The following EML3 variants were observed in gnomAD, a reference collection of about 807,000 sequenced individuals.
EML3 encodes echinoderm microtubule-associated protein-like 3.
Under a neutral mutation model 106.7 loss-of-function variants are expected in EML3, and 53 were observed. That is an observed-to-expected ratio of 0.50 (90% CI 0.40 to 0.62). The LOEUF (loss-of-function observed/expected upper bound fraction) is 0.62. Ranked by LOEUF, EML3 falls within the 20% of genes least tolerant of loss-of-function variation. The pLI, the probability that EML3 is intolerant of heterozygous loss-of-function variation, is 0.00. For missense variants in EML3, 994 were observed against 1,209.1 expected, an observed-to-expected ratio of 0.82 and a Z score of 2.64; for synonymous variants, 499 against 489.6, an observed-to-expected ratio of 1.02 and a Z score of -0.25.
rs554303645 is a variant in EML3 at position 62,602,463 on chromosome 11, G to A, written c.*12C>T. ...CCACGCCGCCGGGCCAGTCGGTCCCGCCAGGCAGCGATCAAACGTCGAGGG... is the reference window on the plus strand; with the variant it reads ...CCACGCCGCCGGGCCAGTCGGTCCCACCAGGCAGCGATCAAACGTCGAGGG... On this transcript the variant is annotated 3_prime_UTR_variant, in exon 22 of 22. Coordinates refer to ENST00000394773, the MANE Select transcript of EML3 (RefSeq NM_153265.3). The A allele has an allele frequency of 1.3e-6, 2 of 1,542,428 alleles. No homozygotes were observed. The highest frequency in any genetic ancestry group is 1.8e-6 in the Non-Finnish European group (2 of 1,142,072).
chr11:62,611,852 G>A (rs1942847600), intron 1 of EML3: 2 of 544,358 alleles, frequency 3.7e-6, no homozygotes, highest in Non-Finnish European at 6.4e-6. Flanking sequence ...GGAGTACCAT[G>A]GAGTACCGGG....
Position 62,611,898 on chromosome 11 carries a change from C to A in EML3, c.23-302G>T, listed in dbSNP as rs1590764897. On this transcript the variant is annotated intron_variant, in intron 1 of 21. Transcript: ENST00000394773. ...GGAGTACTGCCGAGGAACGTGGGAG[C>A]CACAGAGAGAGGCGCCGCACTGGTG... is the stretch of plus-strand genomic sequence containing the variant. The A allele has an allele frequency of 6.6e-6, 3 of 451,698 alleles. No homozygotes were observed. In the East Asian group the frequency reaches 1.2e-4, roughly 19 times the overall value. The allele number at this position is 451,698 out of a possible 1,614,324, so 28.0% of individuals were successfully genotyped here.
intron 16 of EML3, 99 bp from the exon 17 acceptor site, chr11:62,604,300 T>C (rs1338300209): frequency 1.1e-6 from 1 of 893,906 alleles, no homozygotes; most frequent in Non-Finnish European, 1.8e-6. Flanking sequence ...GGATGGCAAA[T>C]AAGAGAAGCT....
Position 62,611,098 on chromosome 11 carries a change from C to T in EML3, c.441G>A (p.Gln147=). ...CACAGGACACCTACGTGTCAGCACG[C>T]TGTGGGGGCTGCAAGGGCCTGAGGA... ...PGILRPLQPP[Q]RADTPRRNSS... is the part of the protein sequence containing the mutation. The change falls in exon 3 of 22, where the codon CAG becomes CAA. Residue 147 remains glutamine, a synonymous_variant. Transcript: ENST00000394773. 3 of 1,597,438 alleles carry T rather than the reference C, an allele frequency of 1.9e-6. No individual in the cohort carries two copies. The highest frequency in any genetic ancestry group is 2.5e-6 in the Non-Finnish European group (3 of 1,177,282).
At chr11:62,609,584 C>G in intron 5 of EML3, 45 bp downstream of exon 5, 1 of 1,585,138 alleles carries the variant, frequency 6.3e-7, no homozygotes, top group Non-Finnish European at 8.6e-7. Flanking sequence ...AGCCCAAATC[C>G]TAACCCTGCC....
At chr11:62,606,671 A>G (rs1315883954) in intron 12 of EML3, among the ~76,000 whole-genome samples, 1 of 152,212 alleles carries the variant, frequency 6.6e-6, no homozygotes, top group Non-Finnish European at 1.5e-5. Flanking sequence ...AGCCTGGCCA[A>G]CATGGCAAAA....
At position 62,603,104 on chromosome 11, in the gene EML3, A is replaced by C. The variant is rs751825449; in HGVS notation, c.2356+45T>G. The C allele has an allele frequency of 2.4e-5, 38 of 1,608,130 alleles. No individual in the cohort carries two copies. In the Admixed American group the frequency reaches 6.2e-4, roughly 26 times the overall value. On this transcript the variant is annotated intron_variant, in intron 20 of 21. Transcript: ENST00000394773. Reference sequence around the variant, plus strand: ...GCGTTCCAAGCCCAAACTGGGCTCCACCTTGTCCCCCACCCTTCCAGCAGG... The same window carrying C: ...GCGTTCCAAGCCCAAACTGGGCTCCCCCTTGTCCCCCACCCTTCCAGCAGG...
intron 7 of EML3, 62 bp downstream of exon 7, chr11:62,608,900 T>C: frequency 6.3e-7 from 1 of 1,596,336 alleles, no homozygotes; most frequent in Non-Finnish European, 8.6e-7. Flanking sequence ...AACTCTTTTC[T>C]CCTGCTTCTC....
chr11:62,602,507 A>C lies in EML3; in HGVS notation c.2659T>G (p.Ser887Ala). The C allele has an allele frequency of 2.0e-6, 3 of 1,516,154 alleles. No homozygotes were observed. The highest frequency in any genetic ancestry group is 2.7e-6 in the Non-Finnish European group (3 of 1,130,512). The allele number at this position is 1,516,154 out of a possible 1,614,324, so 93.9% of individuals were successfully genotyped here. ...TCGAGGGAGGAGGCGGGGGACAGGG[A>C]GGGGGTTCGAGAGGGCGTGGCGGGC... ...PAPATPSRTP[S>A]LSPASSLDV is the part of the protein sequence containing the mutation. Residue 887 changes from serine to alanine, a missense_variant, in exon 22 of 22, where the codon TCC becomes GCC. By Grantham distance (99) the Ser-to-Ala change is moderately conservative (BLOSUM62 1). Around this residue, in one of 3 missense-constraint regions of EML3, gnomAD observed 713 missense variants for 920.5 expected, o/e 0.77. Coordinates refer to ENST00000394773, the MANE Select transcript of EML3 (RefSeq NM_153265.3).
In EML3 at chr11:62,606,050, G is replaced by A. The variant is rs1942499343; in HGVS notation, c.1656+13C>T. The A allele has an allele frequency of 6.2e-7, 1 of 1,613,744 alleles. No individual in the cohort carries two copies. The highest frequency in any genetic ancestry group is 8.5e-7 in the Non-Finnish European group (1 of 1,179,916). On this transcript the variant is annotated intron_variant, in intron 13 of 21. Transcript: ENST00000394773. Reference sequence around the variant, plus strand: ...CTTCTCCCTCACTCCCTTGACCCCAGCCCAGCCCTCACCTCAGCCTCCTGG... The same window carrying A: ...CTTCTCCCTCACTCCCTTGACCCCAACCCAGCCCTCACCTCAGCCTCCTGG...
Position 62,605,747 on chromosome 11 carries a change from G to A in EML3, c.1809C>T (p.Leu603=), listed in dbSNP as rs547704472. Residue 603 remains leucine (L), a synonymous_variant, in exon 15 of 22, where the codon CTC becomes CTT. Coordinates refer to ENST00000394773, the MANE Select transcript of EML3 (RefSeq NM_153265.3). This position sits in a 1 kb window ranked among gnomAD's most constrained non-coding sequence, Gnocchi z 5.2. The part of the protein sequence containing the change: ...IQGHTDELWG[L]CTHPSQNRFL... ...AGCGGTTCTGGGAGGGGTGTGTGCAGAGCCCCCAGAGCTCATCAGTGTGGC... is the reference window on the plus strand; with the variant it reads ...AGCGGTTCTGGGAGGGGTGTGTGCAAAGCCCCCAGAGCTCATCAGTGTGGC... 27 of 1,594,112 alleles carry A rather than the reference G, an allele frequency of 1.7e-5. No homozygotes were observed. The highest frequency in any genetic ancestry group is 6.8e-6 in the Non-Finnish European group (8 of 1,169,082).
Position 62,608,703 on chromosome 11 carries a change from G to A in EML3, c.999+33C>T, listed in dbSNP as rs776603542. The A allele has an allele frequency of 6.8e-6, 11 of 1,613,842 alleles. No homozygotes were observed. In the Admixed American group the frequency reaches 1.3e-4, roughly 20 times the overall value. ...GAAGCAAAATTGGAGTGCAATTCCAGCATGTCTGCCTGCTCCCTGACTTTG... is the reference window on the plus strand; with the variant it reads ...GAAGCAAAATTGGAGTGCAATTCCAACATGTCTGCCTGCTCCCTGACTTTG... On this transcript the variant is annotated intron_variant, in intron 8 of 21. Transcript: ENST00000394773.
At chr11:62,604,335 G>A (rs555976144) in intron 16 of EML3, 134 bp from the exon 17 acceptor site, 1 of 679,976 alleles carries the variant, frequency 1.5e-6, no homozygotes, top group Admixed American at 2.3e-5. Context: ...GAAAGGCTCT[G>A]ATGTAGAAGA....
Position 62,607,850 on chromosome 11 carries a change from C to T in EML3, c.1207-29G>A. ...AAGGGAAGACACTAGATTCAGCCAC[C>T]CCAAGCCCTGGGTACCTTCATTCTA... On this transcript the variant is annotated intron_variant, in intron 10 of 21. Transcript: ENST00000394773. The T allele has an allele frequency of 2.5e-6, 4 of 1,602,496 alleles. No individual in the cohort carries two copies. The South Asian group carries it at 4.4e-5, about 18-fold the overall frequency.
At position 62,603,174 on chromosome 11, in the gene EML3, G is replaced by C; in HGVS notation, c.2331C>G (p.Thr777=). ...ESRDREWATY[T]CVLGFHVYGV... ...CGTAGACGTGAAAGCCCAGCACACA[G>C]GTGTAGGTAGCCCATTCCCGGTCTC... Residue 777 remains threonine (T), a synonymous_variant, in exon 20 of 22, where the codon ACC becomes ACG. Coordinates refer to ENST00000394773, the MANE Select transcript of EML3 (RefSeq NM_153265.3). 6.2e-7 allele frequency: 1 copy of C among 1,614,064 alleles called. No individual in the cohort carries two copies. The highest frequency in any genetic ancestry group is 8.5e-7 in the Non-Finnish European group (1 of 1,180,014).
Position 62,611,128 on chromosome 11 carries a change from CG to C in EML3, c.410del (p.Pro137ArgfsTer45). ...SSSGAGSPGP[P>X]GILRPLQPPQ... ...GGGGCTGCAAGGGCCTGAGGATCCC[CG>C]GGGGGCCAGGGGAGCCAGCACCACT... On this transcript the variant is annotated frameshift_variant, in exon 3 of 22. Transcript: ENST00000394773. LOFTEE classifies it high-confidence loss of function. 1.9e-6 allele frequency: 3 copies of C among 1,597,872 alleles called. No individual in the cohort carries two copies.
chr11:62,609,538 CCCA>C, intron 5 of EML3, 61 bp from the exon 6 acceptor site: 2 of 1,549,256 alleles, frequency 1.3e-6, no homozygotes, highest in Non-Finnish European at 1.7e-6. Context: ...CAGAACCCTA[CCCA>C]CCACACCTAC....
chr11:62,606,529 C>A, intron 12 of EML3: 2 of 405,702 alleles, frequency 4.9e-6, no homozygotes, highest in East Asian at 4.5e-5. Flanking sequence ...TCTAGACTAG[C>A]CCCCAAGAGA....
Position 62,603,928 on chromosome 11 carries a change from A to G in EML3, c.2169+16T>C, listed in dbSNP as rs928390449. On this transcript the variant is annotated intron_variant, in intron 18 of 21. Coordinates refer to ENST00000394773, the MANE Select transcript of EML3 (RefSeq NM_153265.3). ...CAGCTGTTATCATGCCCCACCACACACCCCAACTTCCTCACCATACAGCGG... is the reference window on the plus strand; with the variant it reads ...CAGCTGTTATCATGCCCCACCACACGCCCCAACTTCCTCACCATACAGCGG... The G allele has an allele frequency of 1.2e-6, 2 of 1,613,338 alleles. No homozygotes were observed. Among genetic ancestry groups the G allele is most frequent in the Non-Finnish European group, 1.7e-6 (2 of 1,179,866 alleles).
Sources: gnomAD v4.1 joint callset for allele counts (sites outside exome capture counted in the v4.1 genomes callset) on GRCh38, gnomAD v4.1.1 for gene constraint, gnomAD v4.1.1 regional missense constraint, Gnocchi (gnomAD v3.1) non-coding constraint, MANE v1.5 for transcripts, NCBI Gene and HGNC (gene_info 2026-07-23, HGNC 2026-07-21) for gene names.